ST3GAL3: variants seen among roughly 807,000 people sequenced by gnomAD.
ST3GAL3 encodes CMP-N-acetylneuraminate-beta-1,4-galactoside alpha-2,3-sialyltransferase.
ST3GAL3 carries 21 observed loss-of-function variants against 50.1 expected under a neutral mutation model. The observed-to-expected ratio is 0.42, with a 90% CI of 0.30 to 0.60. The LOEUF (loss-of-function observed/expected upper bound fraction) is 0.60. Ranked by LOEUF, ST3GAL3 falls within the 20% of genes least tolerant of loss-of-function variation. The pLI is 0.19. For missense variants in ST3GAL3, 353 were observed against 489.4 expected (o/e 0.72, Z 2.63); for synonymous variants, 183 against 190.0 (o/e 0.96, Z 0.30).
intron 9 of ST3GAL3, among the ~76,000 whole-genome samples, chr1:43,906,377 C>A (rs2079683372): frequency 6.9e-6 from 1 of 145,782 alleles, no homozygotes; most frequent in Non-Finnish European, 1.5e-5. Context: ...CCCCATCCTC[C>A]TGTTTCCTTT....
chr1:43,717,788 G>A (rs917975767), intron 1 of ST3GAL3, among the ~76,000 whole-genome samples: 11 of 151,964 alleles, frequency 7.2e-5, no homozygotes, highest in Non-Finnish European at 1.6e-4. Flanking sequence ...GATTACAGGC[G>A]TGAGCCACCG....
At chr1:43,851,325 T>C in intron 5 of ST3GAL3, 1 of 1,532,728 alleles carries the variant, frequency 6.5e-7, no homozygotes, top group Non-Finnish European at 9.0e-7. Context: ...TCCAGGCCCA[T>C]GATGCACCCA....
intron 4 of ST3GAL3, among the ~76,000 whole-genome samples, chr1:43,826,087 G>A (rs1353295866): frequency 6.6e-6 from 1 of 151,644 alleles, no homozygotes; most frequent in African/African-American, 2.4e-5. Flanking sequence ...GCAACATAGG[G>A]AGACCTCGTC....
intron 2 of ST3GAL3, among the ~76,000 whole-genome samples, chr1:43,769,983 A>G (rs1694459128): frequency 6.6e-6 from 1 of 152,152 alleles, no homozygotes. Flanking sequence ...AATTGTCAAT[A>G]TGGGACTGAA....
chr1:43,872,630 A>G (rs1251732559), intron 5 of ST3GAL3, among the ~76,000 whole-genome samples: 1 of 152,140 alleles, frequency 6.6e-6, no homozygotes, highest in Admixed American at 6.5e-5. Context: ...CAGTCATTCA[A>G]CAAATACTTA....
At chr1:43,816,892 T>A (rs2061310025) in intron 4 of ST3GAL3, among the ~76,000 whole-genome samples, 1 of 152,196 alleles carries the variant, frequency 6.6e-6, no homozygotes, top group Non-Finnish European at 1.5e-5. Context: ...AGTGCTGTCT[T>A]CAGAAGTCCA....
At chr1:43,810,486 T>C (rs1006182572) in intron 3 of ST3GAL3, among the ~76,000 whole-genome samples, 1 of 152,200 alleles carries the variant, frequency 6.6e-6, no homozygotes, top group Admixed American at 6.5e-5. Context: ...CCGTGGCTCA[T>C]TGTAGCTGGC....
At chr1:43,906,301 C>T (rs2079651329) in intron 9 of ST3GAL3, among the ~76,000 whole-genome samples, 1 of 145,648 alleles carries the variant, frequency 6.9e-6, no homozygotes, top group Non-Finnish European at 1.5e-5. Context: ...TCCTCCCCCT[C>T]CTCCTGTTTC....
rs1232323381 is a variant in ST3GAL3, at chr1:43,755,838, C to T, written c.118+19458C>T. On this transcript the variant is annotated intron_variant, in intron 2 of 11. Coordinates refer to ENST00000347631, the MANE Select transcript of ST3GAL3 (RefSeq NM_006279.5). The stretch of plus-strand genomic sequence containing the variant: ...CAAAATTAAAAATATTGGCCAAGCA[C>T]ATTGGCTCCTAGTGCTTTGGGGGGC... 3.3e-5 allele frequency among the ~76,000 whole-genome samples: 5 copies of T among 152,060 alleles called. No individual in the cohort carries two copies. In the South Asian group the frequency reaches 8.3e-4, roughly 25 times the overall value.
At chr1:43,898,076 T>G in intron 6 of ST3GAL3, 159 bp from the exon 7 acceptor site, 1 of 768,298 alleles carries the variant, frequency 1.3e-6, no homozygotes, top group Non-Finnish European at 2.2e-6. Context: ...AGGAAGAAAG[T>G]CAGGGCAGTG....
At chr1:43,843,567 TTAGTTTTGGTAATA>T (rs1352711238) in intron 5 of ST3GAL3, among the ~76,000 whole-genome samples, 2 of 152,186 alleles carry the variant, frequency 1.3e-5, no homozygotes, top group Non-Finnish European at 2.9e-5. Context: ...TGTGATGTCT[TTAGTTTTGGTAATA>T]TAGTAATGCT....
intron 5 of ST3GAL3, chr1:43,851,322 C>T: frequency 4.6e-6 from 7 of 1,532,000 alleles, no homozygotes. Context: ...AGGTCCAGGC[C>T]CATGATGCAC....
At chr1:43,731,056 G>A (rs1300008455) in intron 1 of ST3GAL3, among the ~76,000 whole-genome samples, 3 of 150,210 alleles carry the variant, frequency 2.0e-5, no homozygotes, top group Admixed American at 2.0e-4. Context: ...TCTTTGAGAT[G>A]GCATCTCACT....
At position 43,737,739 on chromosome 1, in the gene ST3GAL3, G is replaced by A. The variant is rs988528027; in HGVS notation, c.118+1359G>A. 5.9e-5 allele frequency: 9 copies of A among 152,310 alleles called. No individual in the cohort carries two copies. The highest frequency in any genetic ancestry group is 5.9e-4 in the Admixed American group (9 of 15,294). 9.4% of individuals were successfully genotyped at this position (152,310 alleles called of 1,614,324 possible). On this transcript the variant is annotated intron_variant, in intron 2 of 11. Coordinates refer to ENST00000347631, the MANE Select transcript of ST3GAL3 (RefSeq NM_006279.5). This position sits in a 1 kb window ranked among gnomAD's most constrained non-coding sequence, Gnocchi z 4.0. ...ATCAATAATTTAGATGGAAATGTGTGTGAAGAACAAGGGTCTCCTTTTCCG... is the reference window on the plus strand; with the variant it reads ...ATCAATAATTTAGATGGAAATGTGTATGAAGAACAAGGGTCTCCTTTTCCG...
intron 1 of ST3GAL3, among the ~76,000 whole-genome samples, chr1:43,715,264 C>CAA (rs202015901): frequency 2.7e-5 from 4 of 146,702 alleles, no homozygotes; most frequent in Admixed American, 6.8e-5. Flanking sequence ...TCACTGAGTA[C>CAA]AAAAAAAAAA....
chr1:43,814,890 G>C lies in ST3GAL3; in HGVS notation c.167-1G>C. On this transcript the variant is annotated splice_acceptor_variant, in intron 3 of 11. Coordinates refer to ENST00000347631, the MANE Select transcript of ST3GAL3 (RefSeq NM_006279.5). LOFTEE classifies it high-confidence loss of function. Reference sequence around the variant, plus strand: ...TGACATTTTCTGCTTTTCTTTTTCAGAGTATGATCGGTTGGGCTTCCTCCT... The same window carrying C: ...TGACATTTTCTGCTTTTCTTTTTCACAGTATGATCGGTTGGGCTTCCTCCT... The C allele has an allele frequency of 6.2e-7, 1 of 1,614,140 alleles. No individual in the cohort carries two copies. Among genetic ancestry groups the C allele is most frequent in the Non-Finnish European group, 8.5e-7 (1 of 1,179,998 alleles).
At chr1:43,731,542 G>T (rs1675848365) in intron 1 of ST3GAL3, among the ~76,000 whole-genome samples, 1 of 145,622 alleles carries the variant, frequency 6.9e-6, no homozygotes, top group African/African-American at 2.5e-5. Context: ...CCGCCACCAT[G>T]CCCGGCTAAT....
chr1:43,762,355 TTA>T (rs1280546684), intron 2 of ST3GAL3, among the ~76,000 whole-genome samples: 9 of 152,028 alleles, frequency 5.9e-5, no homozygotes, highest in African/African-American at 2.2e-4. Flanking sequence ...AGAGACTTAT[TTA>T]GTCTCTGATG....
intron 1 of ST3GAL3, among the ~76,000 whole-genome samples, chr1:43,717,202 G>C (rs1053332185): frequency 2.6e-5 from 4 of 152,092 alleles, no homozygotes; most frequent in East Asian, 3.8e-4. Flanking sequence ...ATAACTGCAC[G>C]AATCACCCTG....
Sources: allele counts gnomAD v4.1 joint callset (sites outside exome capture counted in the v4.1 genomes callset), GRCh38; gene constraint gnomAD v4.1.1; non-coding constraint Gnocchi (gnomAD v3.1); transcripts MANE v1.5; gene names NCBI Gene and HGNC (gene_info 2026-07-23, HGNC 2026-07-21).